Variants in PLXNA4 observed in about 807,000 individuals in gnomAD.
PLXNA4 encodes the protein plexin A4.
Under a neutral mutation model 191.8 loss-of-function variants are expected in PLXNA4, and 44 were observed. That is an observed-to-expected ratio of 0.23 (90% confidence interval 0.18 to 0.29). PLXNA4 has a LOEUF of 0.29. Ranked by LOEUF, PLXNA4 falls within the 10% of genes least tolerant of loss-of-function variation. The pLI is 1.00. For synonymous variants in PLXNA4, 1,082 were observed against 1,009.5 expected, an observed-to-expected ratio of 1.07 and a Z score of -1.36; for missense variants, 1,800 against 2,488.8, an observed-to-expected ratio of 0.72 and a Z score of 5.89.
At chr7:132,302,587 C>T (rs1801348435) in intron 3 of PLXNA4, among the ~76,000 whole-genome samples, 1 of 151,680 alleles carries the variant, frequency 6.6e-6, no homozygotes, top group South Asian at 2.1e-4. Context: ...AAATGTTAGG[C>T]AGCATTTAAG....
intron 3 of PLXNA4, among the ~76,000 whole-genome samples, chr7:132,306,071 C>T (rs1342794393): frequency 6.6e-6 from 1 of 152,150 alleles, no homozygotes; most frequent in African/African-American, 2.4e-5. Context: ...ACCTCAAACA[C>T]AGAGGCACGT....
chr7:132,314,716 A>T (rs1434681351), intron 3 of PLXNA4, among the ~76,000 whole-genome samples: 1 of 152,212 alleles, frequency 6.6e-6, no homozygotes, highest in Non-Finnish European at 1.5e-5. Flanking sequence ...CTGGGTCTGC[A>T]CGCTGGAGTT....
chr7:132,347,050 T>A (rs1414533055), intron 3 of PLXNA4, among the ~76,000 whole-genome samples: 1 of 152,174 alleles, frequency 6.6e-6, no homozygotes, highest in Non-Finnish European at 1.5e-5. Flanking sequence ...CTGATTCCAT[T>A]TTTTTTCTTC....
At chr7:132,488,604 TC>T (rs543602118) in intron 3 of PLXNA4, among the ~76,000 whole-genome samples, 1 of 152,162 alleles carries the variant, frequency 6.6e-6, no homozygotes, top group Non-Finnish European at 1.5e-5. Flanking sequence ...CAGTTCCAAC[TC>T]ATGAGATGAG....
chr7:132,283,354 GA>G (rs1453551611), intron 4 of PLXNA4, among the ~76,000 whole-genome samples: 1 of 152,198 alleles, frequency 6.6e-6, no homozygotes, highest in African/African-American at 2.4e-5. Flanking sequence ...TTTTGGAAAA[GA>G]ACAGTGAATT....
At chr7:132,644,208 C>T (rs1481855037) in intron 2 of PLXNA4, among the ~76,000 whole-genome samples, 2 of 152,138 alleles carry the variant, frequency 1.3e-5, no homozygotes, top group African/African-American at 2.4e-5. Context: ...TGGCAGGTGA[C>T]TTAACCTCCT....
At chr7:132,562,626 C>T (rs1801265744) in intron 1 of PLXNA4, among the ~76,000 whole-genome samples, 6 of 122,888 alleles carry the variant, frequency 4.9e-5, no homozygotes, top group South Asian at 3.2e-4. Flanking sequence ...CCTCTTCCTC[C>T]TCCTTCTCCT....
chr7:132,385,551 C>T (rs1306216075), intron 3 of PLXNA4, among the ~76,000 whole-genome samples: 1 of 152,322 alleles, frequency 6.6e-6, no homozygotes, highest in South Asian at 2.1e-4. Context: ...TTACACCCGG[C>T]CCCAGGCACC....
At chr7:132,549,253 C>A (rs1800446706) in intron 1 of PLXNA4, among the ~76,000 whole-genome samples, 1 of 152,002 alleles carries the variant, frequency 6.6e-6, no homozygotes, top group Non-Finnish European at 1.5e-5. Context: ...TGTGTGAGGT[C>A]CAAGAAAACT....
chr7:132,439,504 GCATACACA>G (rs1404357485), intron 3 of PLXNA4, among the ~76,000 whole-genome samples: 1 of 78,586 alleles, frequency 1.3e-5, no homozygotes, highest in African/African-American at 3.2e-5. Context: ...ATATACATAC[GCATACACA>G]CATACACATA....
chr7:132,124,761 T>C lies in PLXNA4; in HGVS notation c.*5718A>G, dbSNP rs1260852532. The C allele has an allele frequency of 6.6e-6, 1 of 152,194 alleles. No individual in the cohort carries two copies. The highest frequency in any genetic ancestry group is 1.5e-5 in the Non-Finnish European group (1 of 68,042). The allele number at this position is 152,194 out of a possible 1,614,324, so 9.4% of individuals were successfully genotyped here. A position where few individuals can be genotyped will look rare whatever the true frequency, so the allele number is the denominator to read the frequency against. The stretch of plus-strand genomic sequence containing the variant: ...GACATCAAAGCGGGTGGGAATGGAA[T>C]AAAGTGAGGCTCCCGCAACCCAGGA... On this transcript the variant is annotated 3_prime_UTR_variant, in exon 32 of 32. Transcript: ENST00000321063.
chr7:132,249,209 T>A (rs1799162345), intron 4 of PLXNA4, among the ~76,000 whole-genome samples: 1 of 152,234 alleles, frequency 6.6e-6, no homozygotes, highest in Non-Finnish European at 1.5e-5. Flanking sequence ...CATTTTCAGA[T>A]TAGGGGGATC....
intron 16 of PLXNA4, among the ~76,000 whole-genome samples, chr7:132,184,326 T>G (rs1048992172): frequency 4.6e-5 from 7 of 152,144 alleles, no homozygotes; most frequent in South Asian, 2.1e-4. Context: ...CCCAGGCAGG[T>G]GAGAACTGTT....
chr7:132,174,676 C>T lies in PLXNA4; in HGVS notation c.4017+102G>A, dbSNP rs929914635. Reference sequence around the variant, plus strand: ...GGGGACCTTGGGCAAGTTGTGTCCCCTCCCTGGCCTTAGTTTTCTCACCTC... The same window carrying T: ...GGGGACCTTGGGCAAGTTGTGTCCCTTCCCTGGCCTTAGTTTTCTCACCTC... On this transcript the variant is annotated intron_variant, in intron 21 of 31. Coordinates refer to ENST00000321063, the MANE Select transcript of PLXNA4 (RefSeq NM_020911.2). 27 of 1,533,738 alleles carry T rather than the reference C, an allele frequency of 1.8e-5. No homozygotes were observed. The Admixed American group carries it at 2.7e-4, about 15-fold the overall frequency.
At chr7:132,185,543 C>T (rs557938438) in intron 15 of PLXNA4, 80 bp from the exon 16 acceptor site, 1 of 1,515,864 alleles carries the variant, frequency 6.6e-7, no homozygotes, top group Admixed American at 2.1e-5. Context: ...TCCCACACCG[C>T]TCCCTGCATG....
chr7:132,341,687 ATT>A (rs1386801466), intron 3 of PLXNA4, among the ~76,000 whole-genome samples: 3 of 152,116 alleles, frequency 2.0e-5, no homozygotes, highest in Non-Finnish European at 4.4e-5. Flanking sequence ...TGGTCCTCAC[ATT>A]CCATTTCTTC....
chr7:132,232,396 T>C (rs1798554396), intron 5 of PLXNA4, among the ~76,000 whole-genome samples: 1 of 152,160 alleles, frequency 6.6e-6, no homozygotes, highest in Admixed American at 6.5e-5. Flanking sequence ...CTTCTCTGCA[T>C]GCCAGTGTCA....
At chr7:132,571,541 A>G (rs1465823324) in intron 1 of PLXNA4, among the ~76,000 whole-genome samples, 1 of 152,128 alleles carries the variant, frequency 6.6e-6, no homozygotes, top group Non-Finnish European at 1.5e-5. Flanking sequence ...AGTGTCAAGT[A>G]CCTACCGTGA....
intron 30 of PLXNA4, among the ~76,000 whole-genome samples, chr7:132,137,769 G>A (rs1030423963): frequency 6.6e-6 from 1 of 151,624 alleles, no homozygotes; most frequent in African/African-American, 2.4e-5. Context: ...GAGAAGAGAT[G>A]GAAAAATAGA....
Sources: allele counts gnomAD v4.1 joint callset (sites outside exome capture counted in the v4.1 genomes callset), GRCh38; gene constraint gnomAD v4.1.1; transcripts MANE v1.5; gene names NCBI Gene and HGNC (gene_info 2026-07-23, HGNC 2026-07-21).